The following RAP1GAP variants were observed in gnomAD, a reference collection of about 807,000 sequenced individuals.
RAP1GAP encodes rap1 GTPase-activating protein 1.
RAP1GAP carries 35 observed loss-of-function variants against 87.2 expected under a neutral mutation model. The ratio of observed to expected loss-of-function variants is 0.40; its 90% CI spans 0.31 to 0.53. The LOEUF is 0.53. Ranked by LOEUF, RAP1GAP falls within the 20% of genes least tolerant of loss-of-function variation. The probability of loss-of-function intolerance (pLI) is 0.48; values close to 1 mark genes in which losing one functional copy is unlikely to be tolerated. For synonymous variants in RAP1GAP, 375 were observed against 363.9 expected (o/e 1.03, Z -0.35); for missense variants, 734 against 898.9 (o/e 0.82, Z 2.35).
rs557492352 is a variant in RAP1GAP, at chr1:21,619,794, T to G, written c.18+221A>C. The stretch of plus-strand genomic sequence containing the variant: ...GCCCTGTTGCAGTTCCACACAGGGA[T>G]GGGAGCTGGGAGCCTAGATGGACTC... On this transcript the variant is annotated intron_variant, in intron 4 of 24. Coordinates refer to ENST00000374765, the MANE Select transcript of RAP1GAP (RefSeq NM_002885.4). Among the ~76,000 whole-genome samples the G allele has an allele frequency of 2.5e-3, 381 of 152,084 alleles. 1 individual carries two copies. The highest frequency in any genetic ancestry group is 8.7e-3 in the African/African-American group (363 of 41,486).
intron 3 of RAP1GAP, among the ~76,000 whole-genome samples, chr1:21,625,946 T>G (rs967582651): frequency 6.6e-6 from 1 of 152,204 alleles, no homozygotes; most frequent in Non-Finnish European, 1.5e-5. Flanking sequence ...ATCTTCACAA[T>G]GACCCTGTGA....
At chr1:21,598,133 G>T (rs1646297428) in intron 22 of RAP1GAP, 69 bp from the exon 23 acceptor site, 2 of 1,071,090 alleles carry the variant, frequency 1.9e-6, no homozygotes, top group Middle Eastern at 3.1e-4. Flanking sequence ...GGGGGCATAG[G>T]TGGGCGGTCG....
At chr1:21,600,565 A>G (rs531652435) in intron 20 of RAP1GAP, among the ~76,000 whole-genome samples, 2 of 152,260 alleles carry the variant, frequency 1.3e-5, no homozygotes, top group East Asian at 3.9e-4. Flanking sequence ...AATCCTCCCA[A>G]GGTTCCCTGT....
intron 2 of RAP1GAP, among the ~76,000 whole-genome samples, chr1:21,648,569 C>T (rs928810532): frequency 3.9e-5 from 6 of 151,906 alleles, no homozygotes; most frequent in South Asian, 2.1e-4. Context: ...ACACGTCAGG[C>T]GTCTACTACA....
At chr1:21,652,585 C>A (rs992291492) in intron 1 of RAP1GAP, among the ~76,000 whole-genome samples, 9 of 152,060 alleles carry the variant, frequency 5.9e-5, no homozygotes, top group African/African-American at 2.2e-4. Context: ...AGTGGAGACG[C>A]CCCCCTCCAC....
chr1:21,665,577 C>T (rs564816922), intron 1 of RAP1GAP, among the ~76,000 whole-genome samples: 1 of 152,354 alleles, frequency 6.6e-6, no homozygotes, highest in East Asian at 1.9e-4. Context: ...CCAGTGGGAC[C>T]TTTCTGTTTT....
intron 14 of RAP1GAP, 69 bp downstream of exon 14, chr1:21,610,051 A>C: frequency 1.3e-6 from 2 of 1,554,554 alleles, no homozygotes; most frequent in South Asian, 1.2e-5. Context: ...TCAGAGGGGC[A>C]TCCCAGGGAG....
At position 21,608,236 on chromosome 1, in the gene RAP1GAP, C is replaced by T. The variant is rs761445638; in HGVS notation, c.1273G>A (p.Gly425Ser). The T allele has an allele frequency of 5.0e-6, 8 of 1,613,884 alleles. No homozygotes were observed. Among genetic ancestry groups the T allele is most frequent in the African/African-American group, 2.7e-5 (2 of 74,920 alleles). The change falls in exon 17 of 25, where the codon GGC becomes AGC. Residue 425 changes from glycine to serine, a missense_variant. Coordinates refer to ENST00000374765, the MANE Select transcript of RAP1GAP (RefSeq NM_002885.4). ...ACCTTGAAAGACTCAAAGAAGCCGCCGCCCCCACTGCCATTCTCCATCTTG... is the reference window on the plus strand; with the variant it reads ...ACCTTGAAAGACTCAAAGAAGCCGCTGCCCCCACTGCCATTCTCCATCTTG... ...EDKMENGSGG[G>S]GFFESFKRVI...
At chr1:21,636,014 G>A (rs867971393) in intron 2 of RAP1GAP, among the ~76,000 whole-genome samples, 1 of 152,236 alleles carries the variant, frequency 6.6e-6, no homozygotes, top group East Asian at 1.9e-4. Context: ...CTTCTAAGTC[G>A]CTTCTCTTCT....
At chr1:21,632,663 G>T (rs2093988026) in intron 2 of RAP1GAP, among the ~76,000 whole-genome samples, 1 of 152,182 alleles carries the variant, frequency 6.6e-6, no homozygotes, top group African/African-American at 2.4e-5. Flanking sequence ...ACTTTGGTAG[G>T]CTGAGGTGGG....
intron 1 of RAP1GAP, among the ~76,000 whole-genome samples, chr1:21,662,147 A>C (rs1387446596): frequency 6.6e-6 from 1 of 152,198 alleles, no homozygotes. Context: ...GGGTCTCAGA[A>C]GGAAGAGACC....
chr1:21,617,292 A>G lies in RAP1GAP; in HGVS notation c.291+14T>C, dbSNP rs2082856618. 6.4e-7 allele frequency: 1 copy of G among 1,558,270 alleles called. No homozygotes were observed. The highest frequency in any genetic ancestry group is 8.7e-7 in the Non-Finnish European group (1 of 1,150,390). ...CCACCCCAGCCAGCCCCGCTGCACC[A>G]GCCGGCCACCCACCTTGCCGAGAAA... On this transcript the variant is annotated intron_variant, in intron 7 of 24. Coordinates refer to ENST00000374765, the MANE Select transcript of RAP1GAP (RefSeq NM_002885.4).
intron 20 of RAP1GAP, 76 bp downstream of exon 20, chr1:21,601,608 C>T: frequency 1.7e-6 from 2 of 1,181,666 alleles, no homozygotes; most frequent in Non-Finnish European, 2.4e-6. Flanking sequence ...CTGTGCTGTC[C>T]CGGGCCCAGG....
At chr1:21,657,043 C>G (rs568597893) in intron 1 of RAP1GAP, among the ~76,000 whole-genome samples, 1 of 152,374 alleles carries the variant, frequency 6.6e-6, no homozygotes, top group African/African-American at 2.4e-5. Flanking sequence ...CAGACAAGGT[C>G]TCTGGTAGAC....
intron 1 of RAP1GAP, among the ~76,000 whole-genome samples, chr1:21,662,381 T>C (rs2152361681): frequency 6.6e-6 from 1 of 152,336 alleles, no homozygotes; most frequent in South Asian, 2.1e-4. Flanking sequence ...CTCTGTGGGC[T>C]CCTTCCCAGC....
intron 1 of RAP1GAP, chr1:21,651,495 T>C (rs2096560759): frequency 1.6e-6 from 1 of 636,370 alleles, no homozygotes; most frequent in Non-Finnish European, 3.1e-6. Context: ...GCCACTATCA[T>C]GTGCTTAGAC....
chr1:21,626,909 T>C (rs1348439097), intron 2 of RAP1GAP: 3 of 456,652 alleles, frequency 6.6e-6, no homozygotes, highest in African/African-American at 2.0e-5. Context: ...CCCGAGGGCA[T>C]GGCCTCCTCA....
Position 21,615,399 on chromosome 1 carries a change from C to CT in RAP1GAP, c.292-1311dup, listed in dbSNP as rs5772954. Among the ~76,000 whole-genome samples, 64,944 of 149,802 alleles carry CT rather than the reference C, an allele frequency of 0.43. 14,225 individuals are homozygous for CT. The highest frequency in any genetic ancestry group is 0.49 in the Non-Finnish European group (33,037 of 67,316). On this transcript the variant is annotated intron_variant, in intron 7 of 24. Coordinates refer to ENST00000374765, the MANE Select transcript of RAP1GAP (RefSeq NM_002885.4). This position sits in a 1 kb window ranked among gnomAD's most constrained non-coding sequence, Gnocchi z 4.5. ...TCTGATCCTGGACATGAAGCCTCTT[C>CT]TTTTTTTTTTGAGATGGAGTCTTGC... is the stretch of plus-strand genomic sequence containing the variant.
intron 2 of RAP1GAP, among the ~76,000 whole-genome samples, chr1:21,635,607 C>G (rs1444130970): frequency 6.6e-6 from 1 of 152,212 alleles, no homozygotes; most frequent in African/African-American, 2.4e-5. Flanking sequence ...ATCCTTTCCT[C>G]CCGCTCTGCA....
Sources: allele counts gnomAD v4.1 joint callset (sites outside exome capture counted in the v4.1 genomes callset), GRCh38; gene constraint gnomAD v4.1.1; non-coding constraint Gnocchi (gnomAD v3.1); transcripts MANE v1.5; gene names NCBI Gene and HGNC (gene_info 2026-07-23, HGNC 2026-07-21).